Variants in HSPBP1 observed in about 807,000 individuals in gnomAD.
HSPBP1 encodes the protein hsp70-binding protein 1.
Under a neutral mutation model 41.7 loss-of-function variants are expected in HSPBP1, and 31 were observed. That is an observed-to-expected ratio of 0.74 (90% CI 0.56 to 1.00). The LOEUF is 1.00. Ranked by LOEUF, HSPBP1 falls within the 50% of genes least tolerant of loss-of-function variation. The pLI is 0.00. For synonymous variants in HSPBP1, 199 were observed against 214.4 expected (o/e 0.93, Z 0.63); for missense variants, 439 against 487.9 (o/e 0.90, Z 0.94).
At position 55,277,730 on chromosome 19, in the gene HSPBP1, C is replaced by T; in HGVS notation, c.327G>A (p.Gly109=). The T allele has an allele frequency of 6.2e-7, 1 of 1,607,872 alleles. No homozygotes were observed. The change falls in exon 3 of 8, where the codon GGG becomes GGA. Residue 109 remains glycine (G), a synonymous_variant. Coordinates refer to ENST00000433386, the MANE Select transcript of HSPBP1 (RefSeq NM_012267.5). ...VLSQPMPPTA[G]EAEQAADQQE... is the part of the protein sequence containing the mutation. ...GCTGGTCGGCCGCCTGCTCGGCCTC[C>T]CCAGCAGTGGGGGGCATGGGCTGTG...
intron 7 of HSPBP1, among the ~76,000 whole-genome samples, chr19:55,262,989 G>A (rs963120835): frequency 2.0e-5 from 3 of 151,880 alleles, no homozygotes; most frequent in Admixed American, 2.0e-4. Flanking sequence ...AACTTTCTGC[G>A]GATACAAACC....
At chr19:55,274,305 G>T in intron 4 of HSPBP1, 93 bp downstream of exon 4, 2 of 1,120,900 alleles carry the variant, frequency 1.8e-6, no homozygotes, top group South Asian at 3.0e-5. Flanking sequence ...GGAAGGAGAT[G>T]CCTCTCCCTC....
intron 4 of HSPBP1, 42 bp downstream of exon 4, chr19:55,274,356 C>CCCCCCCCCCCCCCCCCCT: frequency 1.5e-6 from 1 of 664,196 alleles, no homozygotes; most frequent in Non-Finnish European, 2.4e-6. Flanking sequence ...CACCCCCCCC[C>CCCCCCCCCCCCCCCCCCT]ACCGCCAGCA....
In HSPBP1 at chr19:55,270,095, T is replaced by C. The variant is rs750945179; in HGVS notation, c.641-3809A>G. 6.6e-6 allele frequency among the ~76,000 whole-genome samples: 1 copy of C among 152,110 alleles called. No homozygotes were observed. The highest frequency in any genetic ancestry group is 1.5e-5 in the Non-Finnish European group (1 of 68,016). On this transcript the variant is annotated intron_variant, in intron 4 of 7. Coordinates refer to ENST00000433386, the MANE Select transcript of HSPBP1 (RefSeq NM_012267.5). This position sits in a 1 kb window ranked among gnomAD's most constrained non-coding sequence, Gnocchi z 5.4. The stretch of plus-strand genomic sequence containing the variant: ...GGTACTGGACAGCCACACAATGGCA[T>C]ACCCTGCAGCCACCAAAAAAAAGGA...
At chr19:55,262,913 C>T (rs2122793347) in intron 7 of HSPBP1, among the ~76,000 whole-genome samples, 1 of 152,314 alleles carries the variant, frequency 6.6e-6, no homozygotes, top group Non-Finnish European at 1.5e-5. Flanking sequence ...CGTCTCACTC[C>T]ATTGGTCTGC....
rs565068744 is a variant in HSPBP1 at position 55,280,068 on chromosome 19, A to G, written c.-128T>C. On this transcript the variant is annotated 5_prime_UTR_variant, in exon 1 of 8. Coordinates refer to ENST00000433386, the MANE Select transcript of HSPBP1 (RefSeq NM_012267.5). The stretch of plus-strand genomic sequence containing the variant: ...GTCCTCAAGCCGCCGCTGCTCCTAC[A>G]GACAAAGTCGTCCGCACCTGACTCT... 5.4e-5 allele frequency: 13 copies of G among 241,708 alleles called. No homozygotes were observed. The highest frequency in any genetic ancestry group is 2.6e-4 in the African/African-American group (11 of 42,408). The allele number at this position is 241,708 out of a possible 1,614,324, so 15.0% of individuals were successfully genotyped here.
At position 55,270,503 on chromosome 19, in the gene HSPBP1, C is replaced by T. The variant is rs570474278; in HGVS notation, c.640+3895G>A. On this transcript the variant is annotated intron_variant, in intron 4 of 7. Transcript: ENST00000433386. The surrounding 1 kb of genome is among the most constrained non-coding windows in gnomAD (Gnocchi z 5.4). ...CTCATGAAGACGCAAAGCCAGAAGC[C>T]GCCCTCCTCAGCAGGGGCCACTGCT... Among the ~76,000 whole-genome samples the T allele has an allele frequency of 7.0e-4, 106 of 152,220 alleles. No homozygotes were observed. Among genetic ancestry groups the T allele is most frequent in the Non-Finnish European group, 1.3e-3 (90 of 68,010 alleles).
intron 5 of HSPBP1, 52 bp from the exon 6 acceptor site, chr19:55,266,034 C>T: frequency 6.4e-7 from 1 of 1,562,574 alleles, no homozygotes; most frequent in Non-Finnish European, 8.7e-7. Flanking sequence ...ATCTCCTATG[C>T]CCTCCCCGGG....
chr19:55,276,222 T>C (rs958844679), intron 3 of HSPBP1, among the ~76,000 whole-genome samples: 6 of 151,156 alleles, frequency 4.0e-5, no homozygotes, highest in Non-Finnish European at 8.8e-5. Context: ...CTATATGAAA[T>C]GTCCAGAACA....
At position 55,262,565 on chromosome 19, in the gene HSPBP1, G is replaced by T. The variant is rs761009670; in HGVS notation, c.*43C>A. On this transcript the variant is annotated 3_prime_UTR_variant, in exon 8 of 8. Coordinates refer to ENST00000433386, the MANE Select transcript of HSPBP1 (RefSeq NM_012267.5). ...TTGTAGGTGGGGAGGGAGGCAAGAG[G>T]CCTGGGGTTCCCACGGAGAAGGGGG... 1.2e-6 allele frequency: 2 copies of T among 1,608,520 alleles called. No homozygotes were observed. The highest frequency in any genetic ancestry group is 2.2e-5 in the East Asian group (1 of 44,688).
At position 55,279,489 on chromosome 19, in the gene HSPBP1, C is replaced by T; in HGVS notation, c.120G>A (p.Arg40=). Reference sequence around the variant, plus strand: ...GCAAGCCTTGGAGGTTGCGTGGGGGCCGGGAATTGCCCGAGCCCCCAGCCG... The same window carrying T: ...GCAAGCCTTGGAGGTTGCGTGGGGGTCGGGAATTGCCCGAGCCCCCAGCCG... ...GSSAGGSGNS[R]PPRNLQGLLQ... Residue 40 remains arginine (R), a synonymous_variant, in exon 2 of 8, where the codon CGG becomes CGA. Coordinates refer to ENST00000433386, the MANE Select transcript of HSPBP1 (RefSeq NM_012267.5). 3 of 1,605,536 alleles carry T rather than the reference C, an allele frequency of 1.9e-6. No homozygotes were observed. The highest frequency in any genetic ancestry group is 2.5e-6 in the Non-Finnish European group (3 of 1,178,338).
At position 55,274,619 on chromosome 19, in the gene HSPBP1, A is replaced by C; in HGVS notation, c.419T>G (p.Phe140Cys). The change falls in exon 4 of 8, where the codon TTC (phenylalanine) becomes TGC (cysteine). Residue 140 changes from phenylalanine (F) to cysteine (C), a missense_variant. Phe to Cys is a radical substitution (Grantham distance 205). Coordinates refer to ENST00000433386, the MANE Select transcript of HSPBP1 (RefSeq NM_012267.5). ...CAGGTGCATGCCAGACAGCTGGCAG[A>C]AGTCTGTGCCACAGAGGGGAGCAGA... Reference protein sequence around the residue: ...LCENMDNAADFCQLSGMHLLV... With the variant: ...LCENMDNAADCCQLSGMHLLV... 3 of 1,603,838 alleles carry C rather than the reference A, an allele frequency of 1.9e-6. No homozygotes were observed. Among genetic ancestry groups the C allele is most frequent in the Non-Finnish European group, 2.5e-6 (3 of 1,178,040 alleles).
rs188875024 is a variant in HSPBP1 at position 55,265,113 on chromosome 19, G to A, written c.1005+165C>T. On this transcript the variant is annotated intron_variant, in intron 7 of 7. Coordinates refer to ENST00000433386, the MANE Select transcript of HSPBP1 (RefSeq NM_012267.5). ...TCACACCTAGTCCTCCTTGCACCCC[G>A]TCACCTCCCCGTGTACCTGGTCCTC... 1.1e-3 allele frequency among the ~76,000 whole-genome samples: 112 copies of A among 99,726 alleles called. 1 individual carries two copies. The highest frequency in any genetic ancestry group is 1.9e-3 in the Non-Finnish European group (93 of 48,394). 65.4% of individuals were successfully genotyped at this position (99,726 alleles called of 152,430 possible). A position where few individuals can be genotyped will look rare whatever the true frequency, so the allele number is the denominator to read the frequency against.
rs946845077 is a variant in HSPBP1 at position 55,272,752 on chromosome 19, T to G, written c.640+1646A>C. Among the ~76,000 whole-genome samples the G allele has an allele frequency of 6.6e-6, 1 of 151,334 alleles. No individual in the cohort carries two copies. The highest frequency in any genetic ancestry group is 2.1e-4 in the South Asian group (1 of 4,800). On this transcript the variant is annotated intron_variant, in intron 4 of 7. Transcript: ENST00000433386. The surrounding 1 kb of genome is among the most constrained non-coding windows in gnomAD (Gnocchi z 4.2). The stretch of plus-strand genomic sequence containing the variant: ...GCTACTTGAGAGGCTGAGGCAGAAC[T>G]GCTTGAACCTGGGAGGAGGAGGTTG...
chr19:55,278,702 C>T (rs1253385733), intron 2 of HSPBP1, among the ~76,000 whole-genome samples: 1 of 151,876 alleles, frequency 6.6e-6, no homozygotes, highest in African/African-American at 2.4e-5. Flanking sequence ...TCACTTGACG[C>T]CAGGAGTTCG....
chr19:55,271,307 C>T (rs2087918732), intron 4 of HSPBP1, among the ~76,000 whole-genome samples: 1 of 152,006 alleles, frequency 6.6e-6, no homozygotes, highest in African/African-American at 2.4e-5. Context: ...GCCTCCCAGG[C>T]TCAGATGATC....
chr19:55,279,518 A>AGCCGCCGCCC lies in HSPBP1; in HGVS notation c.90_91insGGGCGGCGGC (p.Ser31GlyfsTer31), dbSNP rs2088172362. ...GAATTGCCCGAGCCCCCAGCCGAGGAGCCGCCGCCGCCGCCCCCTGAAGAG... is the reference window on the plus strand; with the variant it reads ...GAATTGCCCGAGCCCCCAGCCGAGGAGCCGCCGCCCGCCGCCGCCGCCGCCCCCTGAAGAG... On this transcript the variant is annotated frameshift_variant, in exon 2 of 8. Transcript: ENST00000433386. LOFTEE classifies it high-confidence loss of function. 2 of 1,597,866 alleles carry AGCCGCCGCCC rather than the reference A, an allele frequency of 1.3e-6. No homozygotes were observed. Among genetic ancestry groups the AGCCGCCGCCC allele is most frequent in the South Asian group, 2.2e-5 (2 of 90,500 alleles).
intron 3 of HSPBP1, among the ~76,000 whole-genome samples, chr19:55,276,749 G>C (rs1273038772): frequency 2.0e-5 from 3 of 152,126 alleles, no homozygotes; most frequent in African/African-American, 7.2e-5. Context: ...AGGTAAGCTA[G>C]AGGGTGGCGG....
At chr19:55,279,073 A>G (rs2088157476) in intron 2 of HSPBP1, among the ~76,000 whole-genome samples, 1 of 152,052 alleles carries the variant, frequency 6.6e-6, no homozygotes, top group East Asian at 1.9e-4. Context: ...TACGGTAGTT[A>G]TTATTATTAT....
Sources: allele counts gnomAD v4.1 joint callset (sites outside exome capture counted in the v4.1 genomes callset), GRCh38; gene constraint gnomAD v4.1.1; non-coding constraint Gnocchi (gnomAD v3.1); transcripts MANE v1.5; gene names NCBI Gene and HGNC (gene_info 2026-07-23, HGNC 2026-07-21).